Variants in SMIM20 observed in about 807,000 individuals in gnomAD.
SMIM20 encodes small integral membrane protein 20.
SMIM20 carries 3 observed loss-of-function variants against 8.7 expected under a neutral mutation model. That is an observed-to-expected ratio of 0.34 (90% confidence interval 0.16 to 0.89). The LOEUF (loss-of-function observed/expected upper bound fraction) is 0.89. Among genes scored for constraint, SMIM20 ranks in the 40% least tolerant of loss-of-function variants. The pLI is 0.49. For synonymous variants in SMIM20, 44 were observed against 33.6 expected (o/e 1.31, Z -1.07); for missense variants, 85 against 84.8 (o/e 1.00, Z -0.01).
intron 1 of SMIM20, among the ~76,000 whole-genome samples, chr4:25,926,802 C>G (rs921655938): frequency 9.2e-5 from 14 of 152,190 alleles, no homozygotes; most frequent in Non-Finnish European, 1.6e-4. Context: ...TCAAATCTTC[C>G]CTCTTCCATA....
At chr4:25,924,690 T>A (rs1441988507) in intron 1 of SMIM20, among the ~76,000 whole-genome samples, 1 of 152,190 alleles carries the variant, frequency 6.6e-6, no homozygotes, top group Non-Finnish European at 1.5e-5. Flanking sequence ...GTTGAACCAT[T>A]TGAGAGTAGG....
At chr4:25,924,118 G>T (rs888567325) in intron 1 of SMIM20, among the ~76,000 whole-genome samples, 1 of 152,122 alleles carries the variant, frequency 6.6e-6, no homozygotes, top group Non-Finnish European at 1.5e-5. Flanking sequence ...TTGGCCCCTG[G>T]TTCACACTCA....
chr4:25,915,698 T>C (rs1242062597), intron 1 of SMIM20, among the ~76,000 whole-genome samples: 1 of 152,140 alleles, frequency 6.6e-6, no homozygotes, highest in Non-Finnish European at 1.5e-5. Context: ...AGCGATTATA[T>C]TGAGGCCACT....
In SMIM20 at chr4:25,914,264, C is replaced by T. The variant is rs1319756630; in HGVS notation, c.-50C>T. On this transcript the variant is annotated 5_prime_UTR_variant, in exon 1 of 3. Coordinates refer to ENST00000506197, the MANE Select transcript of SMIM20 (RefSeq NM_001145432.3). ...GGCCCGGCCGTCGGTAACCTGGTTT[C>T]CGAGAGTGCCGGGCGGTCGGCGGGT... 1 of 1,524,490 alleles carries T rather than the reference C, an allele frequency of 6.6e-7. No homozygotes were observed. The highest frequency in any genetic ancestry group is 1.4e-5 in the African/African-American group (1 of 72,210). 94.4% of individuals were successfully genotyped at this position (1,524,490 alleles called of 1,614,324 possible). A position where few individuals can be genotyped will look rare whatever the true frequency, so the allele number is the denominator to read the frequency against.
chr4:25,914,340 C>T lies in SMIM20; in HGVS notation c.27C>T (p.Leu9=), dbSNP rs896672058. Residue 9 remains leucine (L), a synonymous_variant, in exon 1 of 3, where the codon CTC becomes CTT. Transcript: ENST00000506197. MSRNLRTA[L]IFGGFISLIG... The stretch of plus-strand genomic sequence containing the variant: ...TGTCCCGGAACCTGCGCACCGCGCT[C>T]ATTTTCGGCGGCTTCATCTCCCTGA... 4 of 1,550,608 alleles carry T rather than the reference C, an allele frequency of 2.6e-6. No homozygotes were observed. The highest frequency in any genetic ancestry group is 2.0e-5 in the Admixed American group (1 of 50,882).
At chr4:25,919,562 G>A (rs566271918) in intron 1 of SMIM20, among the ~76,000 whole-genome samples, 33 of 151,886 alleles carry the variant, frequency 2.2e-4, no homozygotes, top group Non-Finnish European at 4.1e-4. Context: ...TGCCCAGGCT[G>A]GTCTCAAACT....
chr4:25,927,593 A>T (rs1711538440), intron 1 of SMIM20, among the ~76,000 whole-genome samples: 1 of 151,944 alleles, frequency 6.6e-6, no homozygotes. Context: ...GTTTGTCAAG[A>T]TACTTAAAAT....
At chr4:25,926,155 T>C (rs1188405278) in intron 1 of SMIM20, among the ~76,000 whole-genome samples, 1 of 152,266 alleles carries the variant, frequency 6.6e-6, no homozygotes, top group Non-Finnish European at 1.5e-5. Flanking sequence ...GAGGTTTATA[T>C]ACATTTGCTC....
chr4:25,915,274 C>T (rs1362089248), intron 1 of SMIM20, among the ~76,000 whole-genome samples: 1 of 152,054 alleles, frequency 6.6e-6, no homozygotes, highest in African/African-American at 2.4e-5. Flanking sequence ...AGACCTATAC[C>T]TCAGCAAGGA....
At position 25,914,325 on chromosome 4, in the gene SMIM20, C is replaced by T; in HGVS notation, c.12C>T (p.Asn4=). MSR[N]LRTALIFGGF... is the part of the protein sequence containing the mutation. The stretch of plus-strand genomic sequence containing the variant: ...CGGGGCCTGACGCCATGTCCCGGAA[C>T]CTGCGCACCGCGCTCATTTTCGGCG... Residue 4 remains asparagine (N), a synonymous_variant, in exon 1 of 3, where the codon AAC becomes AAT. Transcript: ENST00000506197. The T allele has an allele frequency of 1.3e-6, 2 of 1,550,500 alleles. No individual in the cohort carries two copies. The highest frequency in any genetic ancestry group is 1.7e-6 in the Non-Finnish European group (2 of 1,146,204).
intron 1 of SMIM20, among the ~76,000 whole-genome samples, chr4:25,919,191 A>G (rs975364754): frequency 1.3e-5 from 2 of 152,160 alleles, no homozygotes; most frequent in African/African-American, 4.8e-5. Flanking sequence ...GGCGTGAGCC[A>G]CCGCGCCTGG....
intron 1 of SMIM20, among the ~76,000 whole-genome samples, chr4:25,920,531 TAA>T (rs1020953792): frequency 1.3e-5 from 2 of 152,334 alleles, no homozygotes; most frequent in Admixed American, 6.5e-5. Flanking sequence ...TTTAAAAATT[TAA>T]AAGTTTATAA....
At chr4:25,928,487 ATTGTGATT>A in intron 2 of SMIM20, 118 bp downstream of exon 2, 1 of 981,894 alleles carries the variant, frequency 1.0e-6, no homozygotes, top group South Asian at 2.1e-5. Flanking sequence ...TAGAGACAAG[ATTGTGATT>A]TTGCTATTTA....
At chr4:25,914,474 T>A (rs1719039737) in intron 1 of SMIM20, 52 bp downstream of exon 1, 5 of 1,382,818 alleles carry the variant, frequency 3.6e-6, no homozygotes, top group Admixed American at 3.2e-5. Context: ...CACACACACC[T>A]CCCCTCTGTG....
intron 1 of SMIM20, among the ~76,000 whole-genome samples, chr4:25,920,961 CTA>C (rs550742144): frequency 4.9e-4 from 74 of 152,298 alleles, no homozygotes; most frequent in African/African-American, 1.6e-3. Context: ...CAAGTACACT[CTA>C]TGATGGTTGC....
chr4:25,915,159 C>T (rs1560385723), intron 1 of SMIM20, among the ~76,000 whole-genome samples: 1 of 152,062 alleles, frequency 6.6e-6, no homozygotes, highest in Non-Finnish European at 1.5e-5. Context: ...TTGTTTCCTT[C>T]GTTTTAAGCC....
At chr4:25,920,161 C>A (rs1441233898) in intron 1 of SMIM20, among the ~76,000 whole-genome samples, 1 of 152,140 alleles carries the variant, frequency 6.6e-6, no homozygotes, top group African/African-American at 2.4e-5. Context: ...TTACAGTGCT[C>A]CAGTAACCCT....
chr4:25,928,488 T>C (rs1711571633), intron 2 of SMIM20, 119 bp downstream of exon 2: 1 of 961,796 alleles, frequency 1.0e-6, no homozygotes, highest in Non-Finnish European at 1.5e-6. Context: ...AGAGACAAGA[T>C]TGTGATTTTG....
At chr4:25,925,763 TG>T (rs1719281044) in intron 1 of SMIM20, among the ~76,000 whole-genome samples, 1 of 152,250 alleles carries the variant, frequency 6.6e-6, no homozygotes, top group South Asian at 2.1e-4. Context: ...ACACAGTCGA[TG>T]TATTTTCCGG....
Sources: gnomAD v4.1 joint callset for allele counts (sites outside exome capture counted in the v4.1 genomes callset) on GRCh38, gnomAD v4.1.1 for gene constraint, MANE v1.5 for transcripts, NCBI Gene and HGNC (gene_info 2026-07-23, HGNC 2026-07-21) for gene names.